The following CPQ variants were observed in gnomAD, a reference collection of about 807,000 sequenced individuals.
The protein encoded by CPQ is Ser-Met dipeptidase.
A neutral mutation model predicts 45.7 loss-of-function variants in CPQ; 37 were observed. The observed-to-expected ratio is 0.81, with a 90% confidence interval of 0.62 to 1.07. The LOEUF (loss-of-function observed/expected upper bound fraction) is 1.07. Ranked by LOEUF, CPQ falls within the 50% of genes least tolerant of loss-of-function variation. The probability of loss-of-function intolerance (pLI) is 0.00; values close to 1 mark genes in which losing one functional copy is unlikely to be tolerated. For synonymous variants in CPQ, 186 were observed against 205.8 expected, an observed-to-expected ratio of 0.90 and a Z score of 0.82; for missense variants, 537 against 572.9, an observed-to-expected ratio of 0.94 and a Z score of 0.64.
intron 7 of CPQ, among the ~76,000 whole-genome samples, chr8:97,101,374 T>C (rs987675249): frequency 6.6e-6 from 1 of 151,882 alleles, no homozygotes; most frequent in South Asian, 2.1e-4. Flanking sequence ...ATTGATCAAA[T>C]TGTGGTCAAT....
At chr8:96,884,493 G>A (rs1256558638) in intron 4 of CPQ, among the ~76,000 whole-genome samples, 4 of 152,092 alleles carry the variant, frequency 2.6e-5, no homozygotes, top group African/African-American at 9.7e-5. Flanking sequence ...TAAATGCTGA[G>A]GTGAGTAATC....
intron 1 of CPQ, among the ~76,000 whole-genome samples, chr8:96,765,198 A>T (rs1810451563): frequency 6.6e-6 from 1 of 152,206 alleles, no homozygotes; most frequent in South Asian, 2.1e-4. Flanking sequence ...TGGATTTGGT[A>T]CAAGTATTCC....
chr8:97,026,032 ACAGG>A (rs1360001406), intron 5 of CPQ, among the ~76,000 whole-genome samples: 1 of 152,128 alleles, frequency 6.6e-6, no homozygotes, highest in Non-Finnish European at 1.5e-5. Flanking sequence ...GTATTTTCCT[ACAGG>A]TTAGATAAAA....
intron 7 of CPQ, among the ~76,000 whole-genome samples, chr8:97,123,721 G>A (rs1026316929): frequency 9.9e-5 from 15 of 151,700 alleles, no homozygotes; most frequent in African/African-American, 2.4e-4. Context: ...GACAGAAATC[G>A]TCAAACTGAA....
At chr8:96,987,483 T>A (rs1223101859) in intron 5 of CPQ, among the ~76,000 whole-genome samples, 2 of 152,086 alleles carry the variant, frequency 1.3e-5, no homozygotes, top group Non-Finnish European at 2.9e-5. Context: ...CACAGCCAAG[T>A]AGAAGCAGAG....
intron 2 of CPQ, among the ~76,000 whole-genome samples, chr8:96,818,756 C>A (rs571992299): frequency 3.3e-4 from 50 of 152,198 alleles, no homozygotes; most frequent in African/African-American, 1.2e-3. Context: ...ATATGTATTA[C>A]CCTGCCCTGA....
At chr8:97,073,375 G>A (rs1810786409) in intron 7 of CPQ, among the ~76,000 whole-genome samples, 1 of 152,190 alleles carries the variant, frequency 6.6e-6, no homozygotes, top group South Asian at 2.1e-4. Flanking sequence ...CAGGACTCCT[G>A]CGTTTTCCAA....
chr8:96,718,803 CAG>C (rs1809722314), intron 1 of CPQ, among the ~76,000 whole-genome samples: 1 of 152,004 alleles, frequency 6.6e-6, no homozygotes, highest in Admixed American at 6.6e-5. Flanking sequence ...TAACTAGATA[CAG>C]AGTGTCAATA....
intron 3 of CPQ, among the ~76,000 whole-genome samples, chr8:96,854,022 C>A (rs539614275): frequency 1.3e-5 from 2 of 152,264 alleles, no homozygotes; most frequent in South Asian, 4.1e-4. Flanking sequence ...GCTTCTGGGC[C>A]TTTAGCACAT....
intron 1 of CPQ, among the ~76,000 whole-genome samples, chr8:96,712,659 C>G (rs576475662): frequency 6.6e-6 from 1 of 152,196 alleles, no homozygotes; most frequent in Non-Finnish European, 1.5e-5. Context: ...AGCTGGGATG[C>G]AGGGCATCAT....
chr8:96,715,526 C>G (rs912076982), intron 1 of CPQ, among the ~76,000 whole-genome samples: 1 of 152,146 alleles, frequency 6.6e-6, no homozygotes, highest in Admixed American at 6.5e-5. Context: ...TGTACCCACA[C>G]GAAGCTCCCA....
intron 7 of CPQ, among the ~76,000 whole-genome samples, chr8:97,138,901 G>A (rs1255134772): frequency 1.3e-5 from 2 of 151,684 alleles, no homozygotes; most frequent in Admixed American, 1.3e-4. Context: ...GAGTTGGAGG[G>A]AAAAGGAATG....
At chr8:96,650,503 G>A (rs1414126304) in intron 1 of CPQ, among the ~76,000 whole-genome samples, 1 of 152,198 alleles carries the variant, frequency 6.6e-6, no homozygotes, top group African/African-American at 2.4e-5. Flanking sequence ...AATCTGGCAT[G>A]AAGGAGGCTG....
At chr8:97,051,270 T>G (rs1052527800) in intron 6 of CPQ, among the ~76,000 whole-genome samples, 1 of 152,174 alleles carries the variant, frequency 6.6e-6, no homozygotes, top group African/African-American at 2.4e-5. Context: ...ATGCATAAAA[T>G]AAAATGCATA....
chr8:96,775,207 T>A (rs1810590471), intron 1 of CPQ, among the ~76,000 whole-genome samples: 1 of 152,154 alleles, frequency 6.6e-6, no homozygotes, highest in Non-Finnish European at 1.5e-5. Context: ...TACTTTCCCA[T>A]CCTATTAGAC....
intron 2 of CPQ, among the ~76,000 whole-genome samples, chr8:96,818,121 C>T (rs1462707881): frequency 6.6e-6 from 1 of 151,750 alleles, no homozygotes; most frequent in Admixed American, 6.6e-5. Flanking sequence ...TATTAATTGG[C>T]CTAATTTCAA....
At chr8:97,081,586 A>G (rs1287871302) in intron 7 of CPQ, among the ~76,000 whole-genome samples, 1 of 152,180 alleles carries the variant, frequency 6.6e-6, no homozygotes, top group Non-Finnish European at 1.5e-5. Context: ...CCTCTTACCA[A>G]GAACCTCTTC....
intron 3 of CPQ, among the ~76,000 whole-genome samples, chr8:96,856,482 C>G (rs1230225460): frequency 6.6e-6 from 1 of 152,170 alleles, no homozygotes; most frequent in Non-Finnish European, 1.5e-5. Context: ...TATTTGTGTA[C>G]TTCTTTACTG....
chr8:96,810,041 C>T (rs1811142338), intron 2 of CPQ, among the ~76,000 whole-genome samples: 1 of 152,122 alleles, frequency 6.6e-6, no homozygotes, highest in African/African-American at 2.4e-5. Context: ...CTCCCTCCCC[C>T]AGCCTTCCCT....
Sources: gnomAD v4.1 joint callset for allele counts (sites outside exome capture counted in the v4.1 genomes callset) on GRCh38, gnomAD v4.1.1 for gene constraint, MANE v1.5 for transcripts, NCBI Gene and HGNC (gene_info 2026-07-23, HGNC 2026-07-21) for gene names.